Variants in WDPCP observed in about 807,000 individuals in gnomAD.
WDPCP encodes WD repeat-containing and planar cell polarity effector protein fritz homolog.
WDPCP carries 71 observed loss-of-function variants against 93.1 expected under a neutral mutation model. The observed-to-expected ratio is 0.76, with a 90% CI of 0.63 to 0.93. WDPCP has a LOEUF of 0.93. Ranked by LOEUF, WDPCP falls within the 40% of genes least tolerant of loss-of-function variation. The pLI, the probability that WDPCP is intolerant of heterozygous loss-of-function variation, is 0.00. For missense variants in WDPCP, 844 were observed against 887.4 expected, an observed-to-expected ratio of 0.95 and a Z score of 0.62; for synonymous variants, 315 against 315.0, an observed-to-expected ratio of 1.00 and a Z score of 0.00.
In WDPCP at chr2:63,127,757, T is replaced by C. The variant is rs914821850; in HGVS notation, c.2191-5701A>G. On this transcript the variant is annotated intron_variant, in intron 17 of 17. Coordinates refer to ENST00000272321, the MANE Select transcript of WDPCP (RefSeq NM_015910.7). The stretch of plus-strand genomic sequence containing the variant: ...ATTCTATATGTATTACTCCCCTCTT[T>C]GGGTGATAGTAAAAACAGGAAGTGC... Among the ~76,000 whole-genome samples the C allele has an allele frequency of 2.0e-5, 3 of 151,130 alleles. No homozygotes were observed. The East Asian group carries it at 5.8e-4, about 29-fold the overall frequency.
intron 6 of WDPCP, among the ~76,000 whole-genome samples, chr2:63,476,618 G>A (rs891318752): frequency 6.6e-6 from 1 of 152,104 alleles, no homozygotes; most frequent in African/African-American, 2.4e-5. Context: ...TGTGGACCCA[G>A]TCCATGCCTT....
chr2:63,703,858 G>A (rs1004146862), intron 2 of WDPCP, among the ~76,000 whole-genome samples: 33 of 152,234 alleles, frequency 2.2e-4, no homozygotes, highest in African/African-American at 7.7e-4. Context: ...TAGCTTGATG[G>A]GGATGGCATT....
intron 17 of WDPCP, among the ~76,000 whole-genome samples, chr2:63,150,983 G>GA (rs1671850361): frequency 6.6e-6 from 1 of 152,166 alleles, no homozygotes; most frequent in Admixed American, 6.5e-5. Flanking sequence ...TGAACATAAA[G>GA]TGTATATGAG....
intron 12 of WDPCP, among the ~76,000 whole-genome samples, chr2:63,327,358 T>C (rs1463405306): frequency 6.6e-6 from 1 of 152,186 alleles, no homozygotes; most frequent in African/African-American, 2.4e-5. Flanking sequence ...AAAATTAAAA[T>C]CCCAAACTTA....
At chr2:63,543,686 T>A (rs1704916964) in intron 1 of WDPCP, among the ~76,000 whole-genome samples, 1 of 152,056 alleles carries the variant, frequency 6.6e-6, no homozygotes, top group Non-Finnish European at 1.5e-5. Context: ...GCAAGGGTTT[T>A]TTCAGTGAAT....
intron 17 of WDPCP, among the ~76,000 whole-genome samples, chr2:63,134,000 G>A (rs1670455753): frequency 6.6e-6 from 1 of 152,130 alleles, no homozygotes. Context: ...TTTCTTTAAT[G>A]TTTATTAAGG....
intron 15 of WDPCP, among the ~76,000 whole-genome samples, chr2:63,155,769 T>C (rs2103845806): frequency 6.6e-6 from 1 of 152,372 alleles, no homozygotes; most frequent in East Asian, 1.9e-4. Flanking sequence ...CCTAAGATCA[T>C]GTATGATCCT....
chr2:63,766,501 A>T (rs1336823320), intron 2 of WDPCP, among the ~76,000 whole-genome samples: 3 of 151,762 alleles, frequency 2.0e-5, no homozygotes, highest in African/African-American at 7.3e-5. Context: ...AGCCAATATT[A>T]ATTTTTTGAC....
At chr2:63,282,615 T>C (rs1192853784) in intron 13 of WDPCP, among the ~76,000 whole-genome samples, 2 of 152,182 alleles carry the variant, frequency 1.3e-5, no homozygotes, top group Non-Finnish European at 2.9e-5. Context: ...TAGATTAAAA[T>C]TGGATCTCTC....
intron 1 of WDPCP, among the ~76,000 whole-genome samples, chr2:63,573,064 T>C (rs763502887): frequency 1.1e-4 from 16 of 151,814 alleles, no homozygotes; most frequent in Non-Finnish European, 2.1e-4. Context: ...CCAGGCAAAA[T>C]AGCAAGACCC....
intron 14 of WDPCP, chr2:63,229,019 CA>C (rs1678579850): frequency 1.3e-5 from 2 of 152,178 alleles, no homozygotes; most frequent in Non-Finnish European, 2.9e-5. Context: ...CTGACTTCCA[CA>C]ATGGTTGAAC....
intron 2 of WDPCP, among the ~76,000 whole-genome samples, chr2:63,695,330 T>C (rs1416556919): frequency 6.6e-6 from 1 of 152,240 alleles, no homozygotes; most frequent in Admixed American, 6.5e-5. Flanking sequence ...TTTACTTTGT[T>C]ATATTGATGA....
intron 13 of WDPCP, among the ~76,000 whole-genome samples, chr2:63,297,945 A>G (rs1317079453): frequency 1.3e-5 from 2 of 152,214 alleles, no homozygotes; most frequent in East Asian, 1.9e-4. Context: ...GGCTGCAGCC[A>G]TATGTTTAGC....
At chr2:63,820,170 A>G (rs187374615) in intron 1 of WDPCP, among the ~76,000 whole-genome samples, 2 of 152,322 alleles carry the variant, frequency 1.3e-5, no homozygotes, top group African/African-American at 4.8e-5. Context: ...GTTTGCAAAG[A>G]TGGTTGCATC....
chr2:63,174,628 A>G (rs1673658825), intron 15 of WDPCP, 42 bp downstream of exon 15: 6 of 1,610,866 alleles, frequency 3.7e-6, no homozygotes, highest in African/African-American at 1.3e-5. Context: ...AGGTAATACT[A>G]AATACTTTAT....
intron 2 of WDPCP, among the ~76,000 whole-genome samples, chr2:63,720,720 C>G (rs1669403775): frequency 6.6e-6 from 1 of 152,210 alleles, no homozygotes; most frequent in African/African-American, 2.4e-5. Context: ...TCTGCATATA[C>G]ATACTGTCTT....
intron 14 of WDPCP, among the ~76,000 whole-genome samples, chr2:63,241,073 G>A (rs924377845): frequency 1.3e-5 from 2 of 152,114 alleles, no homozygotes; most frequent in Non-Finnish European, 2.9e-5. Context: ...GTCACATTCT[G>A]TGATTGACAT....
intron 14 of WDPCP, among the ~76,000 whole-genome samples, chr2:63,203,756 C>G (rs1377297611): frequency 6.6e-6 from 1 of 151,436 alleles, no homozygotes; most frequent in Admixed American, 6.6e-5. Context: ...TGTCTTTCAT[C>G]CTTCTACTCT....
intron 1 of WDPCP, among the ~76,000 whole-genome samples, chr2:63,514,116 G>A (rs1214630350): frequency 6.6e-6 from 1 of 152,184 alleles, no homozygotes; most frequent in Admixed American, 6.5e-5. Flanking sequence ...TATAAACATG[G>A]AAGCAAATAC....
Sources: allele counts gnomAD v4.1 joint callset (sites outside exome capture counted in the v4.1 genomes callset), GRCh38; gene constraint gnomAD v4.1.1; transcripts MANE v1.5; gene names NCBI Gene and HGNC (gene_info 2026-07-23, HGNC 2026-07-21).